Variants in ESS2 observed in about 807,000 individuals in gnomAD.
ESS2 encodes splicing factor ESS-2 homolog.
A neutral mutation model predicts 52.0 loss-of-function variants in ESS2; 31 were observed. The observed-to-expected ratio is 0.60, with a 90% confidence interval of 0.45 to 0.81. The LOEUF is 0.81. Among genes scored for constraint, ESS2 ranks in the 30% least tolerant of loss-of-function variants. The pLI, the probability that ESS2 is intolerant of heterozygous loss-of-function variation, is 0.00. For synonymous variants in ESS2, 285 were observed against 259.2 expected, an observed-to-expected ratio of 1.10 and a Z score of -0.95; for missense variants, 602 against 637.2, an observed-to-expected ratio of 0.94 and a Z score of 0.59.
Position 19,142,753 on chromosome 22 carries a change from T to C in ESS2, c.277A>G (p.Lys93Glu), listed in dbSNP as rs139706843. ...IAIKFGSALG[K>E]MSREPPPPYV... Reference sequence around the variant, plus strand: ...GGTGGCGGGGGCTCCCGGGACATCTTGCCCAAGGCAGAGCCAAACTTGATG... The same window carrying C: ...GGTGGCGGGGGCTCCCGGGACATCTCGCCCAAGGCAGAGCCAAACTTGATG... The change falls in exon 2 of 10, where the codon AAG (lysine) becomes GAG (glutamate). Residue 93 changes from lysine (K) to glutamate (E), a missense_variant. Coordinates refer to ENST00000252137, the MANE Select transcript of ESS2 (RefSeq NM_022719.3). 10 of 1,613,980 alleles carry C rather than the reference T, an allele frequency of 6.2e-6. No individual in the cohort carries two copies. The African/African-American group carries it at 1.3e-4, about 22-fold the overall frequency.
Position 19,142,908 on chromosome 22 carries a change from T to C in ESS2, c.136-14A>G. 1 of 1,608,306 alleles carries C rather than the reference T, an allele frequency of 6.2e-7. No homozygotes were observed. The highest frequency in any genetic ancestry group is 1.3e-5 in the African/African-American group (1 of 74,660). ...CGTCTGGAGGCCCTGCAAGGAGAGA[T>C]CAGAATGAAAGTCAGAGGCCAGGCG... On this transcript the variant is annotated splice_polypyrimidine_tract_variant and intron_variant, in intron 1 of 9. Coordinates refer to ENST00000252137, the MANE Select transcript of ESS2 (RefSeq NM_022719.3).
intron 4 of ESS2, 24 bp from the exon 5 acceptor site, chr22:19,139,753 AT>A (rs775205117): frequency 6.2e-7 from 1 of 1,613,880 alleles, no homozygotes; most frequent in Non-Finnish European, 8.5e-7. Context: ...GGGAAAAGTG[AT>A]GGTCAGAGAT....
At chr22:19,134,974 A>C in intron 9 of ESS2, 86 bp downstream of exon 9, 3 of 1,300,006 alleles carry the variant, frequency 2.3e-6, no homozygotes, top group Admixed American at 1.8e-5. Context: ...CGCGTGGGCC[A>C]TGCCTCCACA....
intron 3 of ESS2, 120 bp from the exon 4 acceptor site, chr22:19,140,144 T>C (rs2083660647): frequency 1.6e-6 from 2 of 1,282,498 alleles, no homozygotes; most frequent in Admixed American, 4.2e-5. Context: ...CCCCTGGTCC[T>C]GGCTTCTGCC....
At chr22:19,141,663 G>A (rs1049604464) in intron 3 of ESS2, among the ~76,000 whole-genome samples, 1 of 152,210 alleles carries the variant, frequency 6.6e-6, no homozygotes, top group Admixed American at 6.5e-5. Flanking sequence ...GCCAATTAGG[G>A]AAAGAGACCA....
rs61737477 is a variant in ESS2 at position 19,134,209 on chromosome 22, G to C, written c.1418C>G (p.Ser473Trp). ...LLQLPARRKA[S>W]DFF is the part of the protein sequence containing the mutation. ...CCAGGCCTGGCTCTAAAAGAAGTCC[G>C]AAGCTTTGCGCCGGGCAGGGAGCTG... is the stretch of plus-strand genomic sequence containing the variant. Residue 473 changes from serine (S) to tryptophan (W), a missense_variant, in exon 10 of 10, where the codon TCG becomes TGG. Coordinates refer to ENST00000252137, the MANE Select transcript of ESS2 (RefSeq NM_022719.3). 185 of 1,515,356 alleles carry C rather than the reference G, an allele frequency of 1.2e-4. No homozygotes were observed. The African/African-American group carries it at 2.4e-3, about 20-fold the overall frequency. 93.9% of individuals were successfully genotyped at this position (1,515,356 alleles called of 1,614,324 possible).
intron 1 of ESS2, chr22:19,143,976 G>T: frequency 1.1e-6 from 1 of 949,224 alleles, no homozygotes; most frequent in Non-Finnish European, 1.3e-6. Flanking sequence ...GCATATCTGG[G>T]CACCCAACCG....
At chr22:19,135,240 C>T (rs973961996) in intron 8 of ESS2, 65 bp from the exon 9 acceptor site, 2 of 1,340,042 alleles carry the variant, frequency 1.5e-6, no homozygotes, top group South Asian at 1.2e-5. Context: ...GCCCCTCACA[C>T]AGAAAGCCAC....
chr22:19,130,611 C>T lies in ESS2; in HGVS notation c.*3585G>A. ...CCTTAGACTATCCAATTGATCTATT[C>T]AAACAGCTGCCTGTTCCCTTAACTT... On this transcript the variant is annotated 3_prime_UTR_variant, in exon 10 of 10. Transcript: ENST00000252137. 2.6e-6 allele frequency: 1 copy of T among 380,426 alleles called. No individual in the cohort carries two copies. Among genetic ancestry groups the T allele is most frequent in the South Asian group, 2.2e-5 (1 of 46,096 alleles). The allele number at this position is 380,426 out of a possible 1,614,324, so 23.6% of individuals were successfully genotyped here. A position where few individuals can be genotyped will look rare whatever the true frequency, so the allele number is the denominator to read the frequency against.
intron 8 of ESS2, 89 bp downstream of exon 8, chr22:19,137,234 T>A (rs2083598447): frequency 4.4e-6 from 4 of 918,398 alleles, no homozygotes; most frequent in Non-Finnish European, 6.6e-6. Context: ...TGGGGGCCGA[T>A]CCCAGTGCTC....
intron 1 of ESS2, among the ~76,000 whole-genome samples, chr22:19,143,372 T>C (rs1318510955): frequency 6.6e-6 from 1 of 151,826 alleles, no homozygotes; most frequent in African/African-American, 2.4e-5. Context: ...TCTAGTGGGG[T>C]TGAGCATCCC....
At chr22:19,136,439 T>C (rs16983371) in intron 8 of ESS2, among the ~76,000 whole-genome samples, 46,741 of 152,096 alleles carry the variant, frequency 0.31, 7,249 homozygotes, top group South Asian at 0.38. Context: ...TGTAACCTTT[T>C]CACCTTTCCA....
chr22:19,130,592 A>G lies in ESS2; in HGVS notation c.*3604T>C. 1 of 416,980 alleles carries G rather than the reference A, an allele frequency of 2.4e-6. No individual in the cohort carries two copies. The highest frequency in any genetic ancestry group is 4.6e-6 in the Non-Finnish European group (1 of 215,230). The allele number at this position is 416,980 out of a possible 1,614,324, so 25.8% of individuals were successfully genotyped here. Reference sequence around the variant, plus strand: ...AGCTTGGTCCAGAGAGCTGCCTTAGACTATCCAATTGATCTATTCAAACAG... The same window carrying G: ...AGCTTGGTCCAGAGAGCTGCCTTAGGCTATCCAATTGATCTATTCAAACAG... On this transcript the variant is annotated 3_prime_UTR_variant, in exon 10 of 10. Transcript: ENST00000252137.
At chr22:19,134,967 G>A (rs912461755) in intron 9 of ESS2, 93 bp downstream of exon 9, 25 of 1,224,128 alleles carry the variant, frequency 2.0e-5, no homozygotes, top group African/African-American at 1.5e-4. Context: ...ACTCTGCCGC[G>A]TGGGCCATGC....
At position 19,137,415 on chromosome 22, in the gene ESS2, T is replaced by C; in HGVS notation, c.943A>G (p.Met315Val). Residue 315 changes from methionine to valine, a missense_variant, in exon 8 of 10, where the codon ATG becomes GTG. Coordinates refer to ENST00000252137, the MANE Select transcript of ESS2 (RefSeq NM_022719.3). ...SPAPGVNESP[M>V]MTWGEVENTP... is the part of the protein sequence containing the mutation. The stretch of plus-strand genomic sequence containing the variant: ...TTCTCAACCTCCCCCCAGGTCATCA[T>C]CGGGGACTCGTTCACACCTGCAGAC... The C allele has an allele frequency of 6.2e-7, 1 of 1,613,274 alleles. No homozygotes were observed. Among genetic ancestry groups the C allele is most frequent in the Non-Finnish European group, 8.5e-7 (1 of 1,179,606 alleles).
At chr22:19,138,818 C>T (rs994646355) in intron 6 of ESS2, among the ~76,000 whole-genome samples, 1 of 152,184 alleles carries the variant, frequency 6.6e-6, no homozygotes, top group Non-Finnish European at 1.5e-5. Flanking sequence ...CCCCAGCCAC[C>T]CCCTGGGGCT....
Position 19,144,644 on chromosome 22 carries a change from T to C in ESS2, c.-4A>G, listed in dbSNP as rs745691504. 1.3e-6 allele frequency: 2 copies of C among 1,504,902 alleles called. No homozygotes were observed. Among genetic ancestry groups the C allele is most frequent in the African/African-American group, 1.4e-5 (1 of 70,706 alleles). The allele number at this position is 1,504,902 out of a possible 1,614,324, so 93.2% of individuals were successfully genotyped here. A position where few individuals can be genotyped will look rare whatever the true frequency, so the allele number is the denominator to read the frequency against. ...CTGATGCGCCCGGCGTCTCCATCGC[T>C]ATCCCAGGAAAAAGCTCGGGCCCAG... On this transcript the variant is annotated 5_prime_UTR_variant, in exon 1 of 10. In the 5' UTR this introduces an upstream ATG that the reference lacks. Coordinates refer to ENST00000252137, the MANE Select transcript of ESS2 (RefSeq NM_022719.3).
At chr22:19,136,419 T>G (rs957697257) in intron 8 of ESS2, among the ~76,000 whole-genome samples, 2 of 152,086 alleles carry the variant, frequency 1.3e-5, no homozygotes, top group Non-Finnish European at 2.9e-5. Context: ...TTATGGTTAT[T>G]GTTTTTACAT....
Position 19,139,209 on chromosome 22 carries a change from G to A in ESS2, c.772C>T (p.Gln258Ter), listed in dbSNP as rs762199335. ...NTRFLRDPFS[Q>*]ALSRCQLQQA... ...TGGAGCTGGCACCTGCTCAGGGCTT[G>A]GCTGAAGGGGTCCCTAAGGAAGCGC... Residue 258 changes from glutamine to a stop codon, truncating the protein, a stop_gained, in exon 6 of 10, where the codon CAA becomes TAA. Transcript: ENST00000252137. LOFTEE classifies it high-confidence loss of function. 9 of 1,608,124 alleles carry A rather than the reference G, an allele frequency of 5.6e-6. No individual in the cohort carries two copies. The South Asian group carries it at 7.8e-5, about 14-fold the overall frequency.
Sources: allele counts gnomAD v4.1 joint callset (sites outside exome capture counted in the v4.1 genomes callset), GRCh38; gene constraint gnomAD v4.1.1; transcripts MANE v1.5; gene names NCBI Gene and HGNC (gene_info 2026-07-23, HGNC 2026-07-21).